Variants in MLLT3 observed in about 807,000 individuals in gnomAD.
The protein encoded by MLLT3 is MLLT3 super elongation complex subunit, also known as protein AF-9.
A neutral mutation model predicts 53.2 loss-of-function variants in MLLT3; 4 were observed. The ratio of observed to expected loss-of-function variants is 0.08; its 90% confidence interval spans 0.04 to 0.17. MLLT3 has a LOEUF of 0.17. MLLT3 is among the 10% of genes least tolerant of loss of function. The probability of loss-of-function intolerance (pLI) is 1.00; values close to 1 mark genes in which losing one functional copy is unlikely to be tolerated. For missense variants in MLLT3, 569 were observed against 684.0 expected, an observed-to-expected ratio of 0.83 and a Z score of 1.87; for synonymous variants, 283 against 230.6, an observed-to-expected ratio of 1.23 and a Z score of -2.06.
At chr9:20,359,689 A>C (rs1057355653) in intron 8 of MLLT3, among the ~76,000 whole-genome samples, 2 of 152,264 alleles carry the variant, frequency 1.3e-5, no homozygotes, top group African/African-American at 4.8e-5. Context: ...AACATTTTCC[A>C]AGTAACACAA....
chr9:20,508,840 C>A (rs1825448419), intron 2 of MLLT3, among the ~76,000 whole-genome samples: 1 of 152,116 alleles, frequency 6.6e-6, no homozygotes. Flanking sequence ...AAAACATTTC[C>A]ATTTTATGGT....
chr9:20,536,548 G>C lies in MLLT3; in HGVS notation c.194-79762C>G, dbSNP rs371031765. 3.9e-5 allele frequency among the ~76,000 whole-genome samples: 6 copies of C among 152,188 alleles called. No individual in the cohort carries two copies. The South Asian group carries it at 1.2e-3, about 32-fold the overall frequency. ...AATGCTATATGCCTACTGTTCTCTC[G>C]GAATCAGTCTAATGAGCCAACTGTA... is the stretch of plus-strand genomic sequence containing the variant. On this transcript the variant is annotated intron_variant, in intron 2 of 10. Transcript: ENST00000380338.
chr9:20,381,424 G>A (rs1431190351), intron 5 of MLLT3, among the ~76,000 whole-genome samples: 1 of 150,162 alleles, frequency 6.7e-6, no homozygotes, highest in Admixed American at 6.6e-5. Flanking sequence ...TCTCTAGGAA[G>A]AAAATGGCAG....
At position 20,620,252 on chromosome 9, in the gene MLLT3, AACACACACACACACACACACAC is replaced by A. The variant is rs60526002; in HGVS notation, c.193+380_193+401del. Among the ~76,000 whole-genome samples the A allele has an allele frequency of 3.8e-4, 54 of 142,606 alleles. No homozygotes were observed. Among genetic ancestry groups the A allele is most frequent in the African/African-American group, 1.1e-3 (43 of 38,396 alleles). 93.6% of individuals were successfully genotyped at this position (142,606 alleles called of 152,430 possible). On this transcript the variant is annotated intron_variant, in intron 2 of 10. Transcript: ENST00000380338. This position sits in a 1 kb window ranked among gnomAD's most constrained non-coding sequence, Gnocchi z 6.1. ...AGGTAAATCTTAATTTCTCTAGGAA[AACACACACACACACACACACAC>A]ACACACACACACACACACACGCGCA...
At chr9:20,559,282 T>G (rs1819140145) in intron 2 of MLLT3, among the ~76,000 whole-genome samples, 1 of 152,224 alleles carries the variant, frequency 6.6e-6, no homozygotes, top group Admixed American at 6.5e-5. Flanking sequence ...AACATATGTA[T>G]GAGTACTTTT....
intron 2 of MLLT3, among the ~76,000 whole-genome samples, chr9:20,471,709 T>C (rs1200661364): frequency 6.6e-6 from 1 of 152,082 alleles, no homozygotes; most frequent in Non-Finnish European, 1.5e-5. Flanking sequence ...TTGCCAACAG[T>C]TACGCTTACT....
At chr9:20,576,357 T>C (rs1819653309) in intron 2 of MLLT3, among the ~76,000 whole-genome samples, 1 of 152,176 alleles carries the variant, frequency 6.6e-6, no homozygotes, top group African/African-American at 2.4e-5. Flanking sequence ...GCTCTTTTAA[T>C]TTCCTTCAAG....
In MLLT3 at chr9:20,618,483, G is replaced by A. The variant is rs117833636; in HGVS notation, c.193+2171C>T. ...ACAAGGTCTCTCCTGGGTGATGTAA[G>A]CTGGCACTTTTCCCAGGACTTGTCA... is the stretch of plus-strand genomic sequence containing the variant. On this transcript the variant is annotated intron_variant, in intron 2 of 10. Coordinates refer to ENST00000380338, the MANE Select transcript of MLLT3 (RefSeq NM_004529.4). Among the ~76,000 whole-genome samples, 133 of 152,308 alleles carry A rather than the reference G, an allele frequency of 8.7e-4. 2 individuals are homozygous for A. The East Asian group carries it at 0.02, about 23-fold the overall frequency.
chr9:20,514,494 T>C (rs1469211564), intron 2 of MLLT3, among the ~76,000 whole-genome samples: 2 of 152,114 alleles, frequency 1.3e-5, no homozygotes, highest in Admixed American at 6.5e-5. Flanking sequence ...CTGTACCATA[T>C]AGGGGTTTTT....
intron 2 of MLLT3, among the ~76,000 whole-genome samples, chr9:20,585,375 G>A (rs76814558): frequency 0.017 from 2,655 of 152,174 alleles, 75 homozygotes; most frequent in East Asian, 0.14. Context: ...CTCCACAAAG[G>A]CTCTATCTAC....
chr9:20,525,449 T>C (rs1397631873), intron 2 of MLLT3, among the ~76,000 whole-genome samples: 3 of 152,148 alleles, frequency 2.0e-5, no homozygotes, highest in African/African-American at 7.2e-5. Context: ...TGTGCTGAGA[T>C]CCTGCCACTG....
intron 2 of MLLT3, among the ~76,000 whole-genome samples, chr9:20,590,193 C>A (rs1820093154): frequency 6.6e-6 from 1 of 152,218 alleles, no homozygotes; most frequent in East Asian, 1.9e-4. Flanking sequence ...TTTCAATGGG[C>A]GTCAACTCTC....
At position 20,538,470 on chromosome 9, in the gene MLLT3, C is replaced by G. The variant is rs117091804; in HGVS notation, c.194-81684G>C. On this transcript the variant is annotated intron_variant, in intron 2 of 10. Coordinates refer to ENST00000380338, the MANE Select transcript of MLLT3 (RefSeq NM_004529.4). ...CAATCCCAACCTTCTTTCCTGGCTTCCAACCTCCACCTCAATATCAGGAAT... is the reference window on the plus strand; with the variant it reads ...CAATCCCAACCTTCTTTCCTGGCTTGCAACCTCCACCTCAATATCAGGAAT... 7.4e-3 allele frequency among the ~76,000 whole-genome samples: 1,122 copies of G among 152,288 alleles called. 7 individuals carry two copies. The highest frequency in any genetic ancestry group is 0.013 in the Non-Finnish European group (861 of 68,032).
chr9:20,397,570 T>C (rs1822353867), intron 5 of MLLT3, among the ~76,000 whole-genome samples: 1 of 152,136 alleles, frequency 6.6e-6, no homozygotes, highest in South Asian at 2.1e-4. Flanking sequence ...GCATGCAAAT[T>C]ACAACTTAGG....
In MLLT3 at chr9:20,525,272, G is replaced by A. The variant is rs181297086; in HGVS notation, c.194-68486C>T. 8.1e-4 allele frequency among the ~76,000 whole-genome samples: 124 copies of A among 152,186 alleles called. 2 individuals are homozygous for A. Among genetic ancestry groups the A allele is most frequent in the Admixed American group, 8.1e-3 (124 of 15,290 alleles). On this transcript the variant is annotated intron_variant, in intron 2 of 10. Coordinates refer to ENST00000380338, the MANE Select transcript of MLLT3 (RefSeq NM_004529.4). ...AGCACTTTGGGAGGCCGACACAAGC[G>A]GATCACCTGAGGTCAGGAGTTTGAG...
intron 2 of MLLT3, among the ~76,000 whole-genome samples, chr9:20,613,453 C>T (rs944187548): frequency 1.3e-5 from 2 of 152,164 alleles, no homozygotes; most frequent in African/African-American, 4.8e-5. Flanking sequence ...CATTTTAAAA[C>T]ATTAGCTGCA....
chr9:20,418,797 C>T (rs1013488639), intron 4 of MLLT3, among the ~76,000 whole-genome samples: 1 of 152,096 alleles, frequency 6.6e-6, no homozygotes, highest in Non-Finnish European at 1.5e-5. Context: ...AGGAGAGTTT[C>T]ACGCACACAG....
chr9:20,428,964 A>G (rs1283794264), intron 4 of MLLT3, among the ~76,000 whole-genome samples: 1 of 152,206 alleles, frequency 6.6e-6, no homozygotes, highest in Non-Finnish European at 1.5e-5. Context: ...TTAATATCAG[A>G]TAAGTAGTTT....
At chr9:20,506,297 T>C (rs1825378832) in intron 2 of MLLT3, among the ~76,000 whole-genome samples, 1 of 152,122 alleles carries the variant, frequency 6.6e-6, no homozygotes, top group African/African-American at 2.4e-5. Flanking sequence ...CACCTCAGCC[T>C]CCCGAAGTGC....
Sources: allele counts gnomAD v4.1 joint callset (sites outside exome capture counted in the v4.1 genomes callset), GRCh38; gene constraint gnomAD v4.1.1; non-coding constraint Gnocchi (gnomAD v3.1); transcripts MANE v1.5; gene names NCBI Gene and HGNC (gene_info 2026-07-23, HGNC 2026-07-21).